The following INTS1 variants were observed in gnomAD, a reference collection of about 807,000 sequenced individuals.
The protein encoded by INTS1 is integrator complex subunit 1.
In INTS1, 137 loss-of-function variants were observed where a neutral mutation model predicts 241.6. That is an observed-to-expected ratio of 0.57 (90% CI 0.49 to 0.65). The LOEUF (loss-of-function observed/expected upper bound fraction) is 0.65, where lower values mean the gene tolerates loss of function less well. Ranked by LOEUF, INTS1 falls within the 30% of genes least tolerant of loss-of-function variation. The probability of loss-of-function intolerance (pLI) is 0.00; values close to 1 mark genes in which losing one functional copy is unlikely to be tolerated. For synonymous variants in INTS1, 1,692 were observed against 1,337.8 expected (o/e 1.26, Z -5.78); for missense variants, 3,073 against 3,032.2 (o/e 1.01, Z -0.32).
Position 1,487,165 on chromosome 7 carries a change from C to T in INTS1, c.2647-64G>A, listed in dbSNP as rs538561446. ...GGCCCAACACCTGCCGCCAGCCCCCCGGGTGACCGCGGAGCCGGAAAGGGC... is the reference window on the plus strand; with the variant it reads ...GGCCCAACACCTGCCGCCAGCCCCCTGGGTGACCGCGGAGCCGGAAAGGGC... On this transcript the variant is annotated intron_variant, in intron 20 of 47. Coordinates refer to ENST00000404767, the MANE Select transcript of INTS1 (RefSeq NM_001080453.3). The T allele has an allele frequency of 1.3e-4, 200 of 1,521,854 alleles. 3 individuals are homozygous for T. The South Asian group carries it at 1.7e-3, about 13-fold the overall frequency. 94.3% of individuals were successfully genotyped at this position (1,521,854 alleles called of 1,614,324 possible). A position where few individuals can be genotyped will look rare whatever the true frequency, so the allele number is the denominator to read the frequency against.
At chr7:1,479,783 C>A in intron 30 of INTS1, 99 bp from the exon 31 acceptor site, 1 of 1,269,432 alleles carries the variant, frequency 7.9e-7, no homozygotes, top group Non-Finnish European at 1.0e-6. Context: ...GCCAGAACCG[C>A]GTCCCATCGT....
rs142563815 is a variant in INTS1 at position 1,487,690 on chromosome 7, T to A, written c.2516+70A>T. On this transcript the variant is annotated intron_variant, in intron 19 of 47. Transcript: ENST00000404767. The stretch of plus-strand genomic sequence containing the variant: ...CGGCTCCGCCTGCTCCTTCAGCCTC[T>A]GTCCCACCCACACCAACCACCCACA... 3.5e-4 allele frequency: 548 copies of A among 1,563,652 alleles called. 1 individual carries two copies. The African/African-American group carries it at 5.9e-3, about 17-fold the overall frequency.
intron 24 of INTS1, 41 bp from the exon 25 acceptor site, chr7:1,484,211 C>T (rs1462934234): frequency 6.3e-7 from 1 of 1,575,466 alleles, no homozygotes; most frequent in South Asian, 1.1e-5. Context: ...TCCGAGACAG[C>T]TCTGCTCTCC....
Position 1,476,864 on chromosome 7 carries a change from T to A in INTS1, c.4993A>T (p.Thr1665Ser). ...SFRPYLLTLFTHQSSWPTLHQ... is the reference protein window; with the variant it reads ...SFRPYLLTLFSHQSSWPTLHQ... Reference sequence around the variant, plus strand: ...AGTGTGGGCCAGCTGGACTGATGCGTGAAGAGGGTCAGGAGGTAGGGACGG... The same window carrying A: ...AGTGTGGGCCAGCTGGACTGATGCGAGAAGAGGGTCAGGAGGTAGGGACGG... Residue 1665 changes from threonine to serine, a missense_variant, in exon 36 of 48, where the codon ACG becomes TCG. Thr to Ser is a moderately conservative substitution (Grantham distance 58, BLOSUM62 1). Transcript: ENST00000404767. 1 of 1,612,824 alleles carries A rather than the reference T, an allele frequency of 6.2e-7. No homozygotes were observed. Among genetic ancestry groups the A allele is most frequent in the Non-Finnish European group, 8.5e-7 (1 of 1,179,808 alleles).
chr7:1,500,362 C>T lies in INTS1; in HGVS notation c.354G>A (p.Leu118=). 1.3e-6 allele frequency: 2 copies of T among 1,568,940 alleles called. No homozygotes were observed. Among genetic ancestry groups the T allele is most frequent in the Non-Finnish European group, 1.7e-6 (2 of 1,155,238 alleles). The change falls in exon 4 of 48, where the codon CTG becomes CTA. Residue 118 remains leucine, a synonymous_variant. Transcript: ENST00000404767. Reference sequence around the variant, plus strand: ...CGATCTCATCCAGCAGCACCGTGGGCAGCACTGGCCGGGGCAGGCGGTACG... The same window carrying T: ...CGATCTCATCCAGCAGCACCGTGGGTAGCACTGGCCGGGGCAGGCGGTACG... ...KEPSVVPIEV[L]PTVLLDEIEA...
At chr7:1,482,472 G>A in intron 27 of INTS1, 74 bp downstream of exon 27, 2 of 1,465,006 alleles carry the variant, frequency 1.4e-6, no homozygotes, top group South Asian at 2.6e-5. Flanking sequence ...GGCTGCCCAG[G>A]CCCACAAGGA....
intron 42 of INTS1, 113 bp from the exon 43 acceptor site, chr7:1,473,297 G>A (rs1584255991): frequency 3.6e-6 from 2 of 548,218 alleles, no homozygotes; most frequent in South Asian, 3.6e-5. Context: ...TGCAGGAGAG[G>A]CCAGGACGCT....
chr7:1,483,555 C>A, intron 26 of INTS1, 187 bp downstream of exon 26: 1 of 637,814 alleles, frequency 1.6e-6, no homozygotes, highest in Non-Finnish European at 2.9e-6. Flanking sequence ...ACACGTCCAC[C>A]AAGTGCTCAG....
chr7:1,476,757 T>C (rs751775177), intron 36 of INTS1, 37 bp downstream of exon 36: 3 of 1,612,358 alleles, frequency 1.9e-6, no homozygotes, highest in African/African-American at 1.3e-5. Context: ...AAGGCCAGTA[T>C]GCGCGCAGCC....
rs183370246 is a variant in INTS1 at position 1,476,062 on chromosome 7, G to T, written c.5388C>A (p.Gly1796=). 17,645 of 1,543,112 alleles carry T rather than the reference G, an allele frequency of 0.011. 136 individuals carry two copies. Among genetic ancestry groups the T allele is most frequent in the Non-Finnish European group, 0.013 (14,503 of 1,146,126 alleles). ...CIQQWGDSVL[G]RRCRDLLLQL... The stretch of plus-strand genomic sequence containing the variant: ...GCAGGAGAAGGTCTCGGCAGCGCCT[G>T]CCCAGCACGCTGGAAGAGGTGGAGC... Residue 1796 remains glycine, a synonymous_variant, in exon 39 of 48, where the codon GGC becomes GGA. Transcript: ENST00000404767.
chr7:1,471,103 CGGCG>C (rs914042324), intron 46 of INTS1, 26 bp downstream of exon 46: 28 of 1,545,102 alleles, frequency 1.8e-5, no homozygotes, highest in Admixed American at 3.9e-5. Context: ...CCAGCGGTGG[CGGCG>C]GGACAGAGGC....
In INTS1 at chr7:1,481,967, C is replaced by T. The variant is rs183900294; in HGVS notation, c.3704-479G>A. 1.8e-3 allele frequency among the ~76,000 whole-genome samples: 280 copies of T among 152,290 alleles called. 1 individual carries two copies. Among genetic ancestry groups the T allele is most frequent in the African/African-American group, 6.5e-3 (270 of 41,558 alleles). ...CGAAGCTGCACGCAGGCTGCTGTGA[C>T]TATCTTCTCTCAGTGCTCAGGGCGC... On this transcript the variant is annotated intron_variant, in intron 27 of 47. Coordinates refer to ENST00000404767, the MANE Select transcript of INTS1 (RefSeq NM_001080453.3). The surrounding 1 kb of genome is among the most constrained non-coding windows in gnomAD (Gnocchi z 6.8).
chr7:1,490,091 GA>G, intron 16 of INTS1, among the ~76,000 whole-genome samples: 1 of 36,150 alleles, frequency 2.8e-5, no homozygotes, highest in East Asian at 2.2e-3. Context: ...CTATGAGACA[GA>G]TGTGAATCGA....
intron 8 of INTS1, 32 bp downstream of exon 8, chr7:1,498,943 G>GGGCCCCCCCCC: frequency 9.3e-7 from 1 of 1,070,746 alleles, no homozygotes. Context: ...CCCACCCCCT[G>GGGCCCCCCCCC]CCCCGCCCAC....
Position 1,474,338 on chromosome 7 carries a change from G to A in INTS1, c.5659C>T (p.Leu1887Phe). The change falls in exon 41 of 48, where the codon CTC becomes TTC. Residue 1887 changes from leucine to phenylalanine, a missense_variant. Physicochemically the swap from Leu to Phe is conservative, Grantham distance 22 (BLOSUM62 0). Transcript: ENST00000404767. Reference protein sequence around the residue: ...LLRHLPMIAALLHGRTHLNFQ... With the variant: ...LLRHLPMIAAFLHGRTHLNFQ... ...TTGAGGTGGGTGCGGCCGTGCAGGA[G>A]CGCCGCGATCATGGGCAGGTGCCTG... The A allele has an allele frequency of 6.2e-7, 1 of 1,602,718 alleles. No individual in the cohort carries two copies. Among genetic ancestry groups the A allele is most frequent in the Non-Finnish European group, 8.5e-7 (1 of 1,176,272 alleles).
At chr7:1,477,335 C>T (rs1170606625) in intron 35 of INTS1, among the ~76,000 whole-genome samples, 1 of 152,006 alleles carries the variant, frequency 6.6e-6, no homozygotes, top group Non-Finnish European at 1.5e-5. Context: ...GGTCACAGTG[C>T]TGGTCCACAG....
At chr7:1,472,972 G>C (rs1781542156) in intron 43 of INTS1, 100 bp downstream of exon 43, 1 of 725,076 alleles carries the variant, frequency 1.4e-6, no homozygotes, top group Non-Finnish European at 2.2e-6. Context: ...CCCCCATCGG[G>C]ACGCCTCGGA....
chr7:1,484,963 C>T (rs1782180649), intron 24 of INTS1, 135 bp downstream of exon 24: 1 of 544,652 alleles, frequency 1.8e-6, no homozygotes. Flanking sequence ...CTCCCCAGGG[C>T]CACACTGCCG....
rs576202297 is a variant in INTS1, at chr7:1,478,127, C to T, written c.4631-191G>A. 2.6e-5 allele frequency among the ~76,000 whole-genome samples: 4 copies of T among 151,820 alleles called. No individual in the cohort carries two copies. In the South Asian group the frequency reaches 8.3e-4, roughly 32 times the overall value. ...GTGCGGCCGGGGCTGGAGAGTGCGG[C>T]CGGGGCCGGGGCTCACTTTGCTGGG... On this transcript the variant is annotated intron_variant, in intron 33 of 47. Coordinates refer to ENST00000404767, the MANE Select transcript of INTS1 (RefSeq NM_001080453.3).
Sources: allele counts gnomAD v4.1 joint callset (sites outside exome capture counted in the v4.1 genomes callset), GRCh38; gene constraint gnomAD v4.1.1; non-coding constraint Gnocchi (gnomAD v3.1); transcripts MANE v1.5; gene names NCBI Gene and HGNC (gene_info 2026-07-23, HGNC 2026-07-21).